Variants in RAP1GDS1 observed in about 807,000 individuals in gnomAD.
The protein encoded by RAP1GDS1 is Rap1 GTPase-GDP dissociation stimulator 1, also known as RAP1, GTP-GDP dissociation stimulator 1.
A neutral mutation model predicts 71.1 loss-of-function variants in RAP1GDS1; 35 were observed. The ratio of observed to expected loss-of-function variants is 0.49; its 90% CI spans 0.38 to 0.65. The LOEUF is 0.65. RAP1GDS1 is among the 30% of genes least tolerant of loss of function. RAP1GDS1 has a pLI of 0.00. For synonymous variants in RAP1GDS1, 229 were observed against 243.1 expected (o/e 0.94, Z 0.54); for missense variants, 663 against 706.1 (o/e 0.94, Z 0.69).
intron 4 of RAP1GDS1, among the ~76,000 whole-genome samples, chr4:98,353,526 A>ATATTTATCATATCATATAT (rs1455333438): frequency 9.2e-5 from 14 of 152,310 alleles, no homozygotes; most frequent in Admixed American, 9.1e-4. Context: ...CATTTATGAT[A>ATATTTATCATATCATATAT]AAGAAGTAGG....
chr4:98,443,059 T>C lies in RAP1GDS1; in HGVS notation c.*942T>C, dbSNP rs2110237758. ...TTTTTGCTGTTTTTCATCATTCAGC[T>C]AGAAAGTGAGAAGTTTTATCTTCCA... is the stretch of plus-strand genomic sequence containing the variant. On this transcript the variant is annotated 3_prime_UTR_variant, in exon 15 of 15. Coordinates refer to ENST00000408927, the MANE Select transcript of RAP1GDS1 (RefSeq NM_001100427.2). 1 of 206,236 alleles carries C rather than the reference T, an allele frequency of 4.8e-6. No homozygotes were observed. Among genetic ancestry groups the C allele is most frequent in the African/African-American group, 2.4e-5 (1 of 41,176 alleles). The allele number at this position is 206,236 out of a possible 1,614,324, so 12.8% of individuals were successfully genotyped here.
intron 12 of RAP1GDS1, among the ~76,000 whole-genome samples, chr4:98,429,256 CAAAA>C (rs1226326098): frequency 5.9e-5 from 4 of 68,360 alleles, no homozygotes; most frequent in Non-Finnish European, 1.3e-4. Context: ...AGACGTGTCT[CAAAA>C]AAAAAAAAAA....
intron 1 of RAP1GDS1, among the ~76,000 whole-genome samples, chr4:98,264,596 GAT>G (rs1560740377): frequency 1.3e-5 from 2 of 152,122 alleles, no homozygotes; most frequent in African/African-American, 4.8e-5. Context: ...AAGATAAAAA[GAT>G]ATTCATGTTT....
At position 98,261,489 on chromosome 4, in the gene RAP1GDS1, G is replaced by A. The variant is rs1721955952; in HGVS notation, c.-77G>A. On this transcript the variant is annotated 5_prime_UTR_variant, in exon 1 of 15. Transcript: ENST00000408927. Reference sequence around the variant, plus strand: ...TGGCTGCGGGAGAGACGGAGGTAGAGGGAGGACACAGAGCCGCGCCGCCCG... The same window carrying A: ...TGGCTGCGGGAGAGACGGAGGTAGAAGGAGGACACAGAGCCGCGCCGCCCG... The A allele has an allele frequency of 1.3e-6, 2 of 1,481,654 alleles. No individual in the cohort carries two copies. Among genetic ancestry groups the A allele is most frequent in the Admixed American group, 1.9e-5 (1 of 53,602 alleles). The allele number at this position is 1,481,654 out of a possible 1,614,324, so 91.8% of individuals were successfully genotyped here. A position where few individuals can be genotyped will look rare whatever the true frequency, so the allele number is the denominator to read the frequency against.
chr4:98,397,220 A>G (rs1412721729), intron 6 of RAP1GDS1, among the ~76,000 whole-genome samples: 1 of 152,178 alleles, frequency 6.6e-6, no homozygotes, highest in Admixed American at 6.5e-5. Context: ...ATGTGTTTAC[A>G]TAATTTTTCA....
chr4:98,269,955 A>C (rs1238386483), intron 1 of RAP1GDS1, among the ~76,000 whole-genome samples: 2 of 152,190 alleles, frequency 1.3e-5, no homozygotes, highest in African/African-American at 2.4e-5. Flanking sequence ...CTATGACAGA[A>C]TACTGCAGAC....
chr4:98,374,769 A>G (rs934287950), intron 4 of RAP1GDS1, among the ~76,000 whole-genome samples: 2 of 152,086 alleles, frequency 1.3e-5, no homozygotes, highest in African/African-American at 4.8e-5. Context: ...TGCTTAGAGT[A>G]TGGGTGCTGG....
chr4:98,386,203 C>A (rs939934512), intron 5 of RAP1GDS1, among the ~76,000 whole-genome samples: 1 of 151,502 alleles, frequency 6.6e-6, no homozygotes, highest in Non-Finnish European at 1.5e-5. Context: ...AAATAATTAA[C>A]CTGTAGTAAA....
chr4:98,375,984 C>T (rs573165035), intron 4 of RAP1GDS1, among the ~76,000 whole-genome samples: 1 of 151,726 alleles, frequency 6.6e-6, no homozygotes, highest in African/African-American at 2.4e-5. Flanking sequence ...GACATGATAA[C>T]CATGACACAA....
At chr4:98,328,577 G>A (rs1332536235) in intron 2 of RAP1GDS1, among the ~76,000 whole-genome samples, 1 of 152,102 alleles carries the variant, frequency 6.6e-6, no homozygotes. Context: ...TAGTCTACAG[G>A]TAGATAAGAA....
intron 4 of RAP1GDS1, among the ~76,000 whole-genome samples, chr4:98,369,879 T>G (rs1412482869): frequency 6.6e-6 from 1 of 152,198 alleles, no homozygotes; most frequent in Non-Finnish European, 1.5e-5. Flanking sequence ...AGGAAGGGAA[T>G]CCAATTAGAA....
intron 14 of RAP1GDS1, among the ~76,000 whole-genome samples, chr4:98,441,169 A>G (rs1751812127): frequency 6.6e-6 from 1 of 152,244 alleles, no homozygotes; most frequent in Non-Finnish European, 1.5e-5. Context: ...TATTACTACT[A>G]AAAACACTGG....
At chr4:98,387,458 A>C (rs956676679) in intron 5 of RAP1GDS1, 1 of 455,962 alleles carries the variant, frequency 2.2e-6, no homozygotes, top group African/African-American at 2.0e-5. Context: ...TGGAGTTTCC[A>C]TGAGTGTGAC....
At chr4:98,415,051 T>A (rs1747728652) in intron 7 of RAP1GDS1, among the ~76,000 whole-genome samples, 1 of 152,188 alleles carries the variant, frequency 6.6e-6, no homozygotes, top group Non-Finnish European at 1.5e-5. Context: ...GCTTGTGATT[T>A]TTGTACATTG....
chr4:98,278,958 C>A (rs760681398), intron 1 of RAP1GDS1, among the ~76,000 whole-genome samples: 5 of 152,064 alleles, frequency 3.3e-5, no homozygotes, highest in Non-Finnish European at 7.4e-5. Flanking sequence ...CGCGGTGGCT[C>A]ACGCCTGTAA....
chr4:98,337,465 T>C (rs1560861662), intron 2 of RAP1GDS1, among the ~76,000 whole-genome samples: 1 of 152,228 alleles, frequency 6.6e-6, no homozygotes, highest in South Asian at 2.1e-4. Flanking sequence ...CAAAAGCTGG[T>C]TTCTTATTCC....
intron 2 of RAP1GDS1, among the ~76,000 whole-genome samples, chr4:98,337,598 T>C (rs1734886815): frequency 6.6e-6 from 1 of 152,238 alleles, no homozygotes; most frequent in South Asian, 2.1e-4. Flanking sequence ...TTGAAATTTT[T>C]ACAAATGCTC....
At chr4:98,319,340 A>G (rs1308052511) in intron 2 of RAP1GDS1, among the ~76,000 whole-genome samples, 2 of 152,196 alleles carry the variant, frequency 1.3e-5, no homozygotes, top group Non-Finnish European at 2.9e-5. Flanking sequence ...CCTTATTAGC[A>G]TATATTTCTT....
intron 7 of RAP1GDS1, among the ~76,000 whole-genome samples, chr4:98,414,766 G>A (rs1471024691): frequency 6.6e-6 from 1 of 152,036 alleles, no homozygotes; most frequent in Non-Finnish European, 1.5e-5. Context: ...GTCATTGGTA[G>A]CTTTATGGGG....
Sources: gnomAD v4.1 joint callset for allele counts (sites outside exome capture counted in the v4.1 genomes callset) on GRCh38, gnomAD v4.1.1 for gene constraint, MANE v1.5 for transcripts, NCBI Gene and HGNC (gene_info 2026-07-23, HGNC 2026-07-21) for gene names.